Variants in PDE11A observed in about 807,000 individuals in gnomAD.
PDE11A encodes the protein dual 3',5'-cyclic-AMP and -GMP phosphodiesterase 11A.
In PDE11A, 100 loss-of-function variants were observed where a neutral mutation model predicts 100.5. The observed-to-expected ratio is 1.00, with a 90% CI of 0.85 to 1.18. The LOEUF is 1.18. Ranked by LOEUF, PDE11A falls within the 50% of genes most tolerant of loss-of-function variation. The probability of loss-of-function intolerance (pLI) is 0.00; values close to 1 mark genes in which losing one functional copy is unlikely to be tolerated. For missense variants in PDE11A, 1,141 were observed against 1,152.6 expected, an observed-to-expected ratio of 0.99 and a Z score of 0.15; for synonymous variants, 381 against 420.8, an observed-to-expected ratio of 0.91 and a Z score of 1.16.
At chr2:177,813,833 GGA>G (rs2082991892) in intron 9 of PDE11A, among the ~76,000 whole-genome samples, 1 of 141,412 alleles carries the variant, frequency 7.1e-6, no homozygotes, top group African/African-American at 2.7e-5. Flanking sequence ...GTTGCTAACC[GGA>G]AAAAAAAAAA....
At chr2:177,991,402 A>G (rs1324924058) in intron 2 of PDE11A, among the ~76,000 whole-genome samples, 2 of 150,680 alleles carry the variant, frequency 1.3e-5, no homozygotes, top group Admixed American at 6.6e-5. Context: ...TTGGGAGGCC[A>G]AGGCGGGCAG....
intron 15 of PDE11A, among the ~76,000 whole-genome samples, chr2:177,695,091 T>C (rs77462936): frequency 0.018 from 2,657 of 151,412 alleles, 75 homozygotes; most frequent in African/African-American, 0.06. Flanking sequence ...AATAGTAAGG[T>C]ATTAAAAAGC....
chr2:177,796,794 C>A lies in PDE11A; in HGVS notation c.1737+20035G>T, dbSNP rs561714356. ...GCCAGCAGGCAAAGGCATGGCTGTT[C>A]CACTACAGAAAGCTGTTCTCTTTCG... On this transcript the variant is annotated intron_variant, in intron 9 of 19. Transcript: ENST00000286063. Among the ~76,000 whole-genome samples, 12 of 152,264 alleles carry A rather than the reference C, an allele frequency of 7.9e-5. No homozygotes were observed. In the South Asian group the frequency reaches 2.5e-3, roughly 32 times the overall value.
chr2:177,866,525 C>G (rs966885538), intron 5 of PDE11A, among the ~76,000 whole-genome samples: 2 of 152,164 alleles, frequency 1.3e-5, no homozygotes, highest in East Asian at 3.8e-4. Flanking sequence ...CCTGAAAAAC[C>G]TTTTGCTCAT....
At position 177,826,996 on chromosome 2, in the gene PDE11A, G is replaced by A. The variant is rs192865077; in HGVS notation, c.1501-6701C>T. Among the ~76,000 whole-genome samples, 7 of 152,304 alleles carry A rather than the reference G, an allele frequency of 4.6e-5. No homozygotes were observed. The East Asian group carries it at 1.3e-3, about 29-fold the overall frequency. On this transcript the variant is annotated intron_variant, in intron 6 of 19. Coordinates refer to ENST00000286063, the MANE Select transcript of PDE11A (RefSeq NM_016953.4). ...CAACAGAAGCATAACTGATAGACCA[G>A]AAGGTGTTACAGAGAATAGAGAATG... is the stretch of plus-strand genomic sequence containing the variant.
chr2:177,657,907 C>T (rs2080413779), intron 19 of PDE11A, among the ~76,000 whole-genome samples: 1 of 152,220 alleles, frequency 6.6e-6, no homozygotes, highest in Admixed American at 6.5e-5. Context: ...TCATGGGTGC[C>T]CCAGGGGGAC....
At chr2:177,922,412 G>T (rs12693131) in intron 2 of PDE11A, among the ~76,000 whole-genome samples, 13,035 of 151,646 alleles carry the variant, frequency 0.086, 518 homozygotes, top group South Asian at 0.1. Context: ...ATTGTGTACA[G>T]GTACCCTAAA....
chr2:177,667,673 A>G (rs1489383629), intron 18 of PDE11A, among the ~76,000 whole-genome samples: 1 of 152,200 alleles, frequency 6.6e-6, no homozygotes, highest in Non-Finnish European at 1.5e-5. Context: ...ATTAGTAATC[A>G]TTTATTTCAT....
At chr2:177,731,221 T>G (rs1056607218) in intron 10 of PDE11A, among the ~76,000 whole-genome samples, 1 of 152,228 alleles carries the variant, frequency 6.6e-6, no homozygotes. Flanking sequence ...TTTCAAGAAA[T>G]TATTTTAATA....
intron 10 of PDE11A, among the ~76,000 whole-genome samples, chr2:177,731,730 C>T (rs1470184885): frequency 6.6e-6 from 1 of 152,178 alleles, no homozygotes; most frequent in African/African-American, 2.4e-5. Flanking sequence ...TCCAAAGGTA[C>T]TTAATTAGTC....
intron 9 of PDE11A, among the ~76,000 whole-genome samples, chr2:177,771,929 G>A (rs1488343958): frequency 6.6e-6 from 1 of 152,054 alleles, no homozygotes; most frequent in Non-Finnish European, 1.5e-5. Flanking sequence ...TTGAACCCGG[G>A]AGGCGGAGGT....
At chr2:177,906,367 C>A (rs1472424224) in intron 2 of PDE11A, among the ~76,000 whole-genome samples, 1 of 152,202 alleles carries the variant, frequency 6.6e-6, no homozygotes, top group Non-Finnish European at 1.5e-5. Context: ...AGAAAAGAAT[C>A]ACCTGGAGTG....
chr2:177,933,168 A>G (rs2085229978), intron 2 of PDE11A, among the ~76,000 whole-genome samples: 1 of 152,160 alleles, frequency 6.6e-6, no homozygotes, highest in African/African-American at 2.4e-5. Flanking sequence ...CTGTTTAAAA[A>G]GATCGTAGAT....
chr2:178,077,260 C>CTTTTTTTTTTT (rs57259393), upstream of PDE11A, among the ~76,000 whole-genome samples: 3 of 98,648 alleles, frequency 3.0e-5, no homozygotes, highest in African/African-American at 1.2e-4. Flanking sequence ...TTCTTTCTTT[C>CTTTTTTTTTTT]TTTTTTTTTT....
At chr2:177,838,877 C>G (rs2083445097) in intron 6 of PDE11A, among the ~76,000 whole-genome samples, 2 of 152,128 alleles carry the variant, frequency 1.3e-5, no homozygotes, top group African/African-American at 4.8e-5. Context: ...AAAGGTAAGT[C>G]AAATTTCAAA....
chr2:177,762,244 G>A (rs887002874), intron 10 of PDE11A, among the ~76,000 whole-genome samples: 1 of 152,152 alleles, frequency 6.6e-6, no homozygotes, highest in African/African-American at 2.4e-5. Context: ...CAACAGCCAG[G>A]AGGTCGTAGC....
chr2:177,817,946 A>T, intron 7 of PDE11A, 21 bp from the exon 8 acceptor site: 1 of 1,200,790 alleles, frequency 8.3e-7, no homozygotes. Context: ...AGAGTGGATT[A>T]TGTGGTCATT....
intron 2 of PDE11A, among the ~76,000 whole-genome samples, chr2:178,010,696 T>C (rs781072363): frequency 4.6e-5 from 7 of 152,286 alleles, no homozygotes; most frequent in Non-Finnish European, 8.8e-5. Flanking sequence ...CAATCGAGGC[T>C]CTGTAGAAAA....
chr2:177,844,555 T>G (rs1220647017), intron 5 of PDE11A, among the ~76,000 whole-genome samples: 2 of 151,956 alleles, frequency 1.3e-5, no homozygotes, highest in Non-Finnish European at 2.9e-5. Flanking sequence ...TTATTTATTT[T>G]TTATTGATAA....
Sources: allele counts gnomAD v4.1 joint callset (sites outside exome capture counted in the v4.1 genomes callset), GRCh38; gene constraint gnomAD v4.1.1; transcripts MANE v1.5; gene names NCBI Gene and HGNC (gene_info 2026-07-23, HGNC 2026-07-21).